SH2B2: variants seen among roughly 807,000 people sequenced by gnomAD.
SH2B2 encodes the protein SH2B adapter protein 2.
A neutral mutation model predicts 35.7 loss-of-function variants in SH2B2; 37 were observed. The ratio of observed to expected loss-of-function variants is 1.04; its 90% CI spans 0.80 to 1.36. The LOEUF (loss-of-function observed/expected upper bound fraction) is 1.36. Ranked by LOEUF, SH2B2 falls within the 40% of genes most tolerant of loss-of-function variation. SH2B2 has a pLI of 0.00. For synonymous variants in SH2B2, 383 were observed against 376.4 expected, an observed-to-expected ratio of 1.02 and a Z score of -0.20; for missense variants, 852 against 817.7, an observed-to-expected ratio of 1.04 and a Z score of -0.51.
Position 102,293,715 on chromosome 7 carries a change from C to T in SH2B2, c.-30+6621C>T, listed in dbSNP as rs530569293. On this transcript the variant is annotated intron_variant, in intron 1 of 8. Coordinates refer to ENST00000444095, the MANE Select transcript of SH2B2 (RefSeq NM_001359228.2). Reference sequence around the variant, plus strand: ...GTCCCTAGTCCCAATGGAATGACAGCCCAGTCTTCAATGTCCAAGGCCATC... The same window carrying T: ...GTCCCTAGTCCCAATGGAATGACAGTCCAGTCTTCAATGTCCAAGGCCATC... Among the ~76,000 whole-genome samples the T allele has an allele frequency of 4.6e-5, 7 of 152,104 alleles. No individual in the cohort carries two copies. The East Asian group carries it at 1.4e-3, about 30-fold the overall frequency.
At position 102,301,293 on chromosome 7, in the gene SH2B2, T is replaced by C; in HGVS notation, c.729+14T>C. On this transcript the variant is annotated intron_variant, in intron 2 of 8. Coordinates refer to ENST00000444095, the MANE Select transcript of SH2B2 (RefSeq NM_001359228.2). ...GTGCCGCCCAAAGTGAGTTACCCCA[T>C]AATCCCACCTAGCCTGGGGGGACCA... 3 of 1,596,160 alleles carry C rather than the reference T, an allele frequency of 1.9e-6. No homozygotes were observed. The highest frequency in any genetic ancestry group is 2.6e-6 in the Non-Finnish European group (3 of 1,172,140).
At chr7:102,305,880 CT>C (rs1189058736) in intron 2 of SH2B2, among the ~76,000 whole-genome samples, 3,601 of 126,182 alleles carry the variant, frequency 0.029, 123 homozygotes, top group African/African-American at 0.073. Flanking sequence ...GGAGGAGGTC[CT>C]TTTTTTTTTT....
At chr7:102,310,130 A>G (rs1793564766) in intron 4 of SH2B2, among the ~76,000 whole-genome samples, 1 of 152,188 alleles carries the variant, frequency 6.6e-6, no homozygotes, top group African/African-American at 2.4e-5. Context: ...AGCCTGGCCA[A>G]CATGGTGAAA....
At chr7:102,294,686 C>T (rs1206536414) in intron 1 of SH2B2, among the ~76,000 whole-genome samples, 1 of 152,150 alleles carries the variant, frequency 6.6e-6, no homozygotes, top group Non-Finnish European at 1.5e-5. Context: ...CACTCCTGCC[C>T]CTGCCACAGC....
chr7:102,314,397 G>A lies in SH2B2; in HGVS notation c.985G>A (p.Ala329Thr), dbSNP rs1469876908. 7.5e-6 allele frequency: 3 copies of A among 398,732 alleles called. No homozygotes were observed. Among genetic ancestry groups the A allele is most frequent in the African/African-American group, 6.2e-5 (3 of 48,630 alleles). 24.7% of individuals were successfully genotyped at this position (398,732 alleles called of 1,614,324 possible). A position where few individuals can be genotyped will look rare whatever the true frequency, so the allele number is the denominator to read the frequency against. Residue 329 changes from alanine to threonine, a missense_variant, in exon 5 of 9, where the codon GCC (alanine) becomes ACC (threonine). Physicochemically the swap from Ala to Thr is moderately conservative, Grantham distance 58. This residue lies in a region of SH2B2 where 556 missense variants were observed against 514.5 expected (regional missense o/e 1.08). Coordinates refer to ENST00000444095, the MANE Select transcript of SH2B2 (RefSeq NM_001359228.2). ...TRGGCLASRV[A>T]SCSCELLTDA... ...AGGAGGCTGTCTGGCCAGCCGCGTG[G>A]CCTCCTGCAGCTGTGAGCTCCTGAC...
chr7:102,290,738 G>A (rs782617521), intron 1 of SH2B2, among the ~76,000 whole-genome samples: 2 of 152,202 alleles, frequency 1.3e-5, no homozygotes, highest in Non-Finnish European at 2.9e-5. Flanking sequence ...GAAGATGTGA[G>A]GGGAGAAGGG....
At chr7:102,300,295 G>T (rs1554553265) in intron 1 of SH2B2, among the ~76,000 whole-genome samples, 1 of 152,214 alleles carries the variant, frequency 6.6e-6, no homozygotes, top group Non-Finnish European at 1.5e-5. Flanking sequence ...CTCCCAAAGT[G>T]CTGGGATTAC....
intron 2 of SH2B2, among the ~76,000 whole-genome samples, chr7:102,304,563 TG>T (rs1422499488): frequency 2.0e-5 from 3 of 152,214 alleles, no homozygotes; most frequent in Non-Finnish European, 4.4e-5. Flanking sequence ...TCAAGCTCTG[TG>T]GGCAAAGGCC....
chr7:102,301,345 G>A, intron 2 of SH2B2, 66 bp downstream of exon 2: 1 of 1,512,574 alleles, frequency 6.6e-7, no homozygotes. Context: ...AGCAGCTGAG[G>A]GTGCCAGGGA....
chr7:102,320,308 A>C (rs1554558091), intron 7 of SH2B2, 23 bp from the exon 8 acceptor site: 1 of 1,599,106 alleles, frequency 6.3e-7, no homozygotes, highest in Non-Finnish European at 8.5e-7. Flanking sequence ...CCTGCCCCTG[A>C]CCACACCCAC....
At chr7:102,301,592 G>A (rs982901928) in intron 2 of SH2B2, among the ~76,000 whole-genome samples, 3 of 151,426 alleles carry the variant, frequency 2.0e-5, no homozygotes, top group Non-Finnish European at 4.4e-5. Flanking sequence ...GCGCGCGCGT[G>A]TGTGTGTGTC....
upstream of SH2B2, among the ~76,000 whole-genome samples, chr7:102,285,531 G>A (rs958183691): frequency 6.6e-6 from 1 of 152,246 alleles, no homozygotes; most frequent in African/African-American, 2.4e-5. Flanking sequence ...GAAGGGGTCT[G>A]CCTGTCTTCC....
chr7:102,294,978 C>T (rs1299633277), intron 1 of SH2B2, among the ~76,000 whole-genome samples: 1 of 152,294 alleles, frequency 6.6e-6, no homozygotes, highest in Non-Finnish European at 1.5e-5. Flanking sequence ...CAGTCCCTGC[C>T]TAGGACCTGG....
intron 6 of SH2B2, among the ~76,000 whole-genome samples, chr7:102,316,726 A>C (rs1306090078): frequency 6.6e-6 from 1 of 151,630 alleles, no homozygotes; most frequent in African/African-American, 2.4e-5. Context: ...TCTCTAAAAA[A>C]TAAAAAATAA....
In SH2B2 at chr7:102,301,271, C is replaced by A; in HGVS notation, c.721C>A (p.Pro241Thr). The change falls in exon 2 of 9, where the codon CCG becomes ACG. Residue 241 changes from proline to threonine, a missense_variant. Around this residue, in one of 3 missense-constraint regions of SH2B2, gnomAD observed 556 missense variants for 514.5 expected, o/e 1.08. Transcript: ENST00000444095. ...ACGCTTCCGCCTGGAGTTCTTCGTG[C>A]CGCCCAAAGTGAGTTACCCCATAAT... The part of the protein sequence containing the change: ...EERFRLEFFV[P>T]PKASRPKVSI... 1 of 1,603,292 alleles carries A rather than the reference C, an allele frequency of 6.2e-7. No individual in the cohort carries two copies. Among genetic ancestry groups the A allele is most frequent in the Non-Finnish European group, 8.5e-7 (1 of 1,175,452 alleles).
chr7:102,303,322 G>T (rs1303868285), intron 2 of SH2B2, among the ~76,000 whole-genome samples: 3 of 152,158 alleles, frequency 2.0e-5, no homozygotes, highest in Non-Finnish European at 4.4e-5. Flanking sequence ...GGTTTAGGCA[G>T]GGGGAGGTTT....
upstream of SH2B2, among the ~76,000 whole-genome samples, chr7:102,286,716 C>G (rs1307192764): frequency 5.9e-5 from 8 of 135,988 alleles, no homozygotes; most frequent in Non-Finnish European, 3.2e-5. Flanking sequence ...GCCGCTCGGG[C>G]TCCGCGGATG....
At chr7:102,291,771 G>C (rs182506271) in intron 1 of SH2B2, among the ~76,000 whole-genome samples, 1 of 152,184 alleles carries the variant, frequency 6.6e-6, no homozygotes, top group African/African-American at 2.4e-5. Flanking sequence ...CAACGCCCAC[G>C]TATTCAGCAG....
chr7:102,320,235 C>T lies in SH2B2; in HGVS notation c.1396-96C>T, dbSNP rs541180350. The stretch of plus-strand genomic sequence containing the variant: ...CGGCCCTGACACAGCCCCATACAGC[C>T]CCTGTGAGCCTTGGTCCTTCCATCA... On this transcript the variant is annotated intron_variant, in intron 7 of 8. Coordinates refer to ENST00000444095, the MANE Select transcript of SH2B2 (RefSeq NM_001359228.2). The T allele has an allele frequency of 7.7e-6, 8 of 1,037,432 alleles. No individual in the cohort carries two copies. In the African/African-American group the frequency reaches 7.8e-5, roughly 10 times the overall value. The allele number at this position is 1,037,432 out of a possible 1,614,324, so 64.3% of individuals were successfully genotyped here.
Sources: gnomAD v4.1 joint callset for allele counts (sites outside exome capture counted in the v4.1 genomes callset) on GRCh38, gnomAD v4.1.1 for gene constraint, gnomAD v4.1.1 regional missense constraint, MANE v1.5 for transcripts, NCBI Gene and HGNC (gene_info 2026-07-23, HGNC 2026-07-21) for gene names.